The following YEATS4 variants were observed in gnomAD, a reference collection of about 807,000 sequenced individuals.
The protein encoded by YEATS4 is YEATS domain containing 4.
Under a neutral mutation model 30.1 loss-of-function variants are expected in YEATS4, and 17 were observed. The ratio of observed to expected loss-of-function variants is 0.56; its 90% CI spans 0.39 to 0.85. The LOEUF is 0.85. Ranked by LOEUF, YEATS4 falls within the 40% of genes least tolerant of loss-of-function variation. The pLI is 0.00. For missense variants in YEATS4, 142 were observed against 268.3 expected, an observed-to-expected ratio of 0.53 and a Z score of 3.29; for synonymous variants, 85 against 87.5, an observed-to-expected ratio of 0.97 and a Z score of 0.16.
intron 6 of YEATS4, among the ~76,000 whole-genome samples, chr12:69,386,581 T>C (rs1021448542): frequency 6.6e-6 from 1 of 152,224 alleles, no homozygotes; most frequent in African/African-American, 2.4e-5. Flanking sequence ...CTTACCTGTT[T>C]CCTGCCTCTG....
At chr12:69,387,742 G>A (rs1447898396) in intron 6 of YEATS4, among the ~76,000 whole-genome samples, 3 of 152,178 alleles carry the variant, frequency 2.0e-5, no homozygotes, top group Non-Finnish European at 4.4e-5. Flanking sequence ...TATATGCTTT[G>A]TATATCAGCA....
chr12:69,426,211 G>A, the YEATS4 span, among the ~76,000 whole-genome samples: 1 of 152,020 alleles, frequency 6.6e-6, no homozygotes, highest in African/African-American at 2.4e-5. Flanking sequence ...ACTGAACTCT[G>A]GCCTGAGTGA....
At chr12:69,375,187 G>A (rs1206393089) in intron 6 of YEATS4, among the ~76,000 whole-genome samples, 4 of 149,730 alleles carry the variant, frequency 2.7e-5, no homozygotes, top group African/African-American at 7.4e-5. Context: ...CTTCTCAGAC[G>A]GGGCGGCCGG....
At chr12:69,409,105 G>A in the YEATS4 span, among the ~76,000 whole-genome samples, 1 of 152,164 alleles carries the variant, frequency 6.6e-6, no homozygotes. Flanking sequence ...GATTAACAGT[G>A]TAGGCTTTGG....
chr12:69,406,663 T>G, the YEATS4 span, among the ~76,000 whole-genome samples: 3 of 152,180 alleles, frequency 2.0e-5, no homozygotes, highest in African/African-American at 7.2e-5. Context: ...GTTTTATTTT[T>G]TGCTTTTTTC....
At position 69,360,027 on chromosome 12, in the gene YEATS4, A is replaced by G. The variant is rs759139346; in HGVS notation, c.51+4A>G. ...TGACTCCGGCGGGAGAGTAAAGGTC[A>G]GTGCCCGGACCGCCCCTCTTCCGGG... is the stretch of plus-strand genomic sequence containing the variant. On this transcript the variant is annotated splice_donor_region_variant and intron_variant, in intron 1 of 6. Transcript: ENST00000247843. 5.0e-6 allele frequency: 8 copies of G among 1,613,284 alleles called. No homozygotes were observed. Among genetic ancestry groups the G allele is most frequent in the Admixed American group, 3.3e-5 (2 of 59,956 alleles).
At chr12:69,409,716 G>A in the YEATS4 span, among the ~76,000 whole-genome samples, 1 of 151,908 alleles carries the variant, frequency 6.6e-6, no homozygotes, top group Non-Finnish European at 1.5e-5. Flanking sequence ...AAATACATAT[G>A]TTGAAGTCCT....
Position 69,359,811 on chromosome 12 carries a change from T to A in YEATS4, c.-162T>A. 1 of 766,054 alleles carries A rather than the reference T, an allele frequency of 1.3e-6. No homozygotes were observed. Among genetic ancestry groups the A allele is most frequent in the Non-Finnish European group, 2.1e-6 (1 of 485,278 alleles). The allele number at this position is 766,054 out of a possible 1,614,324, so 47.5% of individuals were successfully genotyped here. ...TCAGGAGCACAGTCGGCCTGAGGAG[T>A]TGACGGTTACTCACCGCCGTGAGCC... On this transcript the variant is annotated 5_prime_UTR_variant, in exon 1 of 7. It adds an upstream start codon to the 5' untranslated region. Transcript: ENST00000247843.
At chr12:69,418,982 AT>A in the YEATS4 span, among the ~76,000 whole-genome samples, 34 of 145,458 alleles carry the variant, frequency 2.3e-4, no homozygotes, top group African/African-American at 8.0e-4. Flanking sequence ...ATATGAAAAT[AT>A]TTTTATATTA....
At chr12:69,396,599 C>G in the YEATS4 span, among the ~76,000 whole-genome samples, 1 of 152,070 alleles carries the variant, frequency 6.6e-6, no homozygotes, top group East Asian at 1.9e-4. Context: ...ATCTGGTTAA[C>G]TCATGTTCTC....
rs536556631 is a variant in YEATS4 at position 69,363,586 on chromosome 12, A to G, written c.171+679A>G. Among the ~76,000 whole-genome samples, 46 of 152,364 alleles carry G rather than the reference A, an allele frequency of 3.0e-4. 1 individual carries two copies. In the Middle Eastern group the frequency reaches 0.01, roughly 34 times the overall value. ...AATAATGTGGTAATAAGAATGTGAAAGACAGCTCTGCTGTGTCATCTGATT... is the reference window on the plus strand; with the variant it reads ...AATAATGTGGTAATAAGAATGTGAAGGACAGCTCTGCTGTGTCATCTGATT... On this transcript the variant is annotated intron_variant, in intron 2 of 6. Transcript: ENST00000247843.
chr12:69,414,183 GCAA>G, the YEATS4 span, among the ~76,000 whole-genome samples: 3 of 152,098 alleles, frequency 2.0e-5, no homozygotes, highest in Non-Finnish European at 2.9e-5. Flanking sequence ...AAATATCTAA[GCAA>G]CGATTGCATG....
Position 69,390,497 on chromosome 12 carries a change from T to G in YEATS4, c.*181T>G, listed in dbSNP as rs950448233. 2.2e-6 allele frequency: 1 copy of G among 462,126 alleles called. No individual in the cohort carries two copies. Among genetic ancestry groups the G allele is most frequent in the Non-Finnish European group, 3.7e-6 (1 of 273,512 alleles). 28.6% of individuals were successfully genotyped at this position (462,126 alleles called of 1,614,324 possible). ...TAAGCAATCTTTAATGGAAAATATG[T>G]GTGTAAGAATGGATGCTATATAGGT... On this transcript the variant is annotated 3_prime_UTR_variant, in exon 7 of 7. Transcript: ENST00000247843.
chr12:69,375,508 G>A (rs1212196335), intron 6 of YEATS4, among the ~76,000 whole-genome samples: 58 of 152,284 alleles, frequency 3.8e-4, no homozygotes, highest in African/African-American at 8.9e-4. Flanking sequence ...GGTGGCGGCC[G>A]GGCAGAGGCT....
downstream of YEATS4, among the ~76,000 whole-genome samples, chr12:69,391,251 G>A (rs1329856593): frequency 3.3e-5 from 5 of 150,898 alleles, no homozygotes; most frequent in African/African-American, 9.8e-5. Context: ...CTGAGATCAC[G>A]CCACTGCACT....
intron 6 of YEATS4, among the ~76,000 whole-genome samples, chr12:69,371,280 G>T (rs911321860): frequency 1.4e-4 from 22 of 152,094 alleles, no homozygotes; most frequent in African/African-American, 4.8e-4. Flanking sequence ...ATCATTTTCT[G>T]TTTACTAGTC....
Position 69,359,827 on chromosome 12 carries a change from G to T in YEATS4, c.-146G>T, listed in dbSNP as rs774253984. On this transcript the variant is annotated 5_prime_UTR_variant, in exon 1 of 7. Transcript: ENST00000247843. ...CCTGAGGAGTTGACGGTTACTCACC[G>T]CCGTGAGCCCAAGTAACTCGCCCTC... 9.8e-6 allele frequency: 9 copies of T among 921,190 alleles called. No individual in the cohort carries two copies. Among genetic ancestry groups the T allele is most frequent in the Non-Finnish European group, 1.3e-5 (8 of 617,458 alleles). The allele number at this position is 921,190 out of a possible 1,614,324, so 57.1% of individuals were successfully genotyped here.
intron 4 of YEATS4, 61 bp from the exon 5 acceptor site, chr12:69,370,645 G>A (rs1875602076): frequency 5.3e-6 from 7 of 1,324,320 alleles, no homozygotes; most frequent in Non-Finnish European, 7.1e-6. Flanking sequence ...TTAAAAAAAT[G>A]CCAGTATCTT....
the YEATS4 span, among the ~76,000 whole-genome samples, chr12:69,411,255 G>C: frequency 6.6e-6 from 1 of 151,944 alleles, no homozygotes; most frequent in Admixed American, 6.6e-5. Context: ...TCAGCCTCCC[G>C]AGTAGCTGGG....
Sources: allele counts gnomAD v4.1 joint callset (sites outside exome capture counted in the v4.1 genomes callset), GRCh38; gene constraint gnomAD v4.1.1; transcripts MANE v1.5; gene names NCBI Gene and HGNC (gene_info 2026-07-23, HGNC 2026-07-21).